BICRAL: variants seen among roughly 807,000 people sequenced by gnomAD.
The protein encoded by BICRAL is BICRA like chromatin remodeling complex associated protein, also known as BRD4-interacting chromatin-remodeling complex-associated protein-like.
BICRAL carries 8 observed loss-of-function variants against 91.8 expected under a neutral mutation model. The observed-to-expected ratio is 0.09, with a 90% CI of 0.05 to 0.16. BICRAL has a LOEUF of 0.16. Ranked by LOEUF, BICRAL falls within the 10% of genes least tolerant of loss-of-function variation. The probability of loss-of-function intolerance (pLI) is 1.00; values close to 1 mark genes in which losing one functional copy is unlikely to be tolerated. For synonymous variants in BICRAL, 445 were observed against 491.1 expected (o/e 0.91, Z 1.24); for missense variants, 1,038 against 1,310.9 (o/e 0.79, Z 3.21).
intron 5 of BICRAL, among the ~76,000 whole-genome samples, chr6:42,823,250 C>T (rs1582845966): frequency 2.6e-5 from 4 of 152,202 alleles, no homozygotes; most frequent in Admixed American, 2.0e-4. Context: ...CTCAGCCTCC[C>T]GAATAGCTGG....
At chr6:42,817,244 T>G (rs1764020592) in intron 2 of BICRAL, among the ~76,000 whole-genome samples, 1 of 151,834 alleles carries the variant, frequency 6.6e-6, no homozygotes, top group Admixed American at 6.6e-5. Context: ...TTCTGCACCT[T>G]TCTTTTTTAA....
chr6:42,826,763 C>G lies in BICRAL; in HGVS notation c.160-1730C>G, dbSNP rs114907174. ...TAACCTTAGATATATCACTAAATCT[C>G]TGTGAGGGTCAATTTCCTCTTGTTT... On this transcript the variant is annotated intron_variant, in intron 5 of 12. Coordinates refer to ENST00000314073, the MANE Select transcript of BICRAL (RefSeq NM_001393499.1). 5.3e-3 allele frequency among the ~76,000 whole-genome samples: 800 copies of G among 151,932 alleles called. 8 individuals are homozygous for G. Among genetic ancestry groups the G allele is most frequent in the African/African-American group, 0.019 (773 of 41,440 alleles).
At chr6:42,776,625 G>A (rs1330327032) in intron 1 of BICRAL, among the ~76,000 whole-genome samples, 3 of 152,188 alleles carry the variant, frequency 2.0e-5, no homozygotes, top group Non-Finnish European at 4.4e-5. Context: ...TAGGATTACA[G>A]GCATGAGCCA....
At chr6:42,757,392 T>C (rs1352198690) in intron 1 of BICRAL, among the ~76,000 whole-genome samples, 1 of 151,970 alleles carries the variant, frequency 6.6e-6, no homozygotes, top group Non-Finnish European at 1.5e-5. Flanking sequence ...GCTGAGACTA[T>C]AGGCGCCTGC....
At chr6:42,763,909 T>TAA (rs138073714) in intron 1 of BICRAL, among the ~76,000 whole-genome samples, 2 of 136,108 alleles carry the variant, frequency 1.5e-5, no homozygotes, top group Non-Finnish European at 3.2e-5. Flanking sequence ...TTTAGTGCAT[T>TAA]AAAAAAAAAA....
At chr6:42,845,792 G>A (rs1175353682) in intron 6 of BICRAL, among the ~76,000 whole-genome samples, 1 of 151,890 alleles carries the variant, frequency 6.6e-6, no homozygotes, top group African/African-American at 2.4e-5. Flanking sequence ...GGCCGGGCGC[G>A]GTGGCTCACG....
At chr6:42,862,725 A>C (rs1476706603) in intron 12 of BICRAL, 113 bp downstream of exon 12, 5 of 713,142 alleles carry the variant, frequency 7.0e-6, no homozygotes, top group Non-Finnish European at 1.3e-5. Flanking sequence ...TAGAACGTGA[A>C]TTCTGGGGAG....
chr6:42,816,780 C>T (rs1411228207), intron 2 of BICRAL, among the ~76,000 whole-genome samples: 2 of 151,530 alleles, frequency 1.3e-5, no homozygotes, highest in Non-Finnish European at 2.9e-5. Flanking sequence ...TTTGGGAGGC[C>T]GAGGCGGGCG....
At chr6:42,831,712 C>A in intron 6 of BICRAL, among the ~76,000 whole-genome samples, 1 of 151,544 alleles carries the variant, frequency 6.6e-6, no homozygotes, top group East Asian at 1.9e-4. Context: ...GATTCAAAAA[C>A]TTCTGTTTAT....
intron 1 of BICRAL, among the ~76,000 whole-genome samples, chr6:42,770,556 A>C (rs887908072): frequency 5.3e-5 from 8 of 151,838 alleles, no homozygotes; most frequent in Non-Finnish European, 1.2e-4. Flanking sequence ...CTGGGATTAC[A>C]GGCACCTGCC....
At position 42,783,048 on chromosome 6, in the gene BICRAL, C is replaced by T. The variant is rs192399178; in HGVS notation, c.-102+947C>T. Among the ~76,000 whole-genome samples, 849 of 151,844 alleles carry T rather than the reference C, an allele frequency of 5.6e-3. 10 individuals are homozygous for T. The highest frequency in any genetic ancestry group is 8.9e-3 in the Non-Finnish European group (605 of 67,860). On this transcript the variant is annotated intron_variant, in intron 1 of 12. Coordinates refer to ENST00000314073, the MANE Select transcript of BICRAL (RefSeq NM_001393499.1). ...TTTTTCATCCTGGCTTCCCCATTCCCGCCGCATCTGCGGGCGGCCGCGGCG... is the reference window on the plus strand; with the variant it reads ...TTTTTCATCCTGGCTTCCCCATTCCTGCCGCATCTGCGGGCGGCCGCGGCG...
chr6:42,843,848 G>A (rs749122875), intron 6 of BICRAL, among the ~76,000 whole-genome samples: 10 of 143,796 alleles, frequency 7.0e-5, no homozygotes, highest in East Asian at 2.0e-4. Flanking sequence ...TCACCCAGGC[G>A]AGTGCAATAG....
chr6:42,811,360 C>T (rs747805785), intron 2 of BICRAL, among the ~76,000 whole-genome samples: 15 of 152,176 alleles, frequency 9.9e-5, no homozygotes, highest in Non-Finnish European at 1.5e-4. Flanking sequence ...CGGTGGCTCA[C>T]GCCTGTAATC....
In BICRAL at chr6:42,857,253, C is replaced by G; in HGVS notation, c.2254+17C>G. 6.2e-7 allele frequency: 1 copy of G among 1,602,714 alleles called. No homozygotes were observed. Among genetic ancestry groups the G allele is most frequent in the Non-Finnish European group, 8.5e-7 (1 of 1,172,614 alleles). The stretch of plus-strand genomic sequence containing the variant: ...TGAGAAAAGGTAAGCAGGCTGGGAC[C>G]CTAAGGCACCACTCTGATACCAGGA... On this transcript the variant is annotated intron_variant, in intron 10 of 12. Coordinates refer to ENST00000314073, the MANE Select transcript of BICRAL (RefSeq NM_001393499.1).
At chr6:42,784,253 A>G (rs1355444528) in intron 1 of BICRAL, among the ~76,000 whole-genome samples, 2 of 152,242 alleles carry the variant, frequency 1.3e-5, no homozygotes, top group Non-Finnish European at 2.9e-5. Flanking sequence ...GCAAAACTGC[A>G]TTATTAAAAG....
intron 6 of BICRAL, among the ~76,000 whole-genome samples, chr6:42,831,772 T>C (rs1216794774): frequency 6.6e-6 from 1 of 150,686 alleles, no homozygotes; most frequent in Non-Finnish European, 1.5e-5. Context: ...ACAGTCTCAC[T>C]CTGTTGCCCA....
At position 42,828,260 on chromosome 6, in the gene BICRAL, G is replaced by A. The variant is rs147809030; in HGVS notation, c.160-233G>A. Among the ~76,000 whole-genome samples the A allele has an allele frequency of 6.2e-3, 944 of 152,060 alleles. 1 individual carries two copies. Among genetic ancestry groups the A allele is most frequent in the Non-Finnish European group, 0.011 (723 of 67,970 alleles). On this transcript the variant is annotated intron_variant, in intron 5 of 12. Coordinates refer to ENST00000314073, the MANE Select transcript of BICRAL (RefSeq NM_001393499.1). ...ACTAAAAATACAAAAAATTAGCTGGGCGCGGTGGCAGGCGCCTGTAGTCCC... is the reference window on the plus strand; with the variant it reads ...ACTAAAAATACAAAAAATTAGCTGGACGCGGTGGCAGGCGCCTGTAGTCCC...
Position 42,862,542 on chromosome 6 carries a change from C to A in BICRAL, c.2382C>A (p.Ile794=), listed in dbSNP as rs752257591. 1.9e-6 allele frequency: 3 copies of A among 1,610,848 alleles called. No homozygotes were observed. Among genetic ancestry groups the A allele is most frequent in the Non-Finnish European group, 2.5e-6 (3 of 1,177,126 alleles). The change falls in exon 12 of 13, where the codon ATC becomes ATA. Residue 794 remains isoleucine, a synonymous_variant. Transcript: ENST00000314073. The stretch of plus-strand genomic sequence containing the variant: ...ATCCCTCTGCTGAGATGGTGATGAT[C>A]GATAGGATGTTCAACCAGGAGGAAA... The part of the protein sequence containing the change: ...RINPSAEMVM[I]DRMFNQEERA...
At chr6:42,791,703 GTCT>G (rs915993111) in intron 1 of BICRAL, among the ~76,000 whole-genome samples, 30 of 152,232 alleles carry the variant, frequency 2.0e-4, no homozygotes, top group South Asian at 1.5e-3. Flanking sequence ...GGCTCAAGCG[GTCT>G]TCTCACCTCG....
Sources: gnomAD v4.1 joint callset for allele counts (sites outside exome capture counted in the v4.1 genomes callset) on GRCh38, gnomAD v4.1.1 for gene constraint, MANE v1.5 for transcripts, NCBI Gene and HGNC (gene_info 2026-07-23, HGNC 2026-07-21) for gene names.